PDK1: variants seen among roughly 807,000 people sequenced by gnomAD.
The protein encoded by PDK1 is pyruvate dehydrogenase kinase 1.
A neutral mutation model predicts 54.2 loss-of-function variants in PDK1; 39 were observed. That is an observed-to-expected ratio of 0.72 (90% CI 0.56 to 0.94). The LOEUF is 0.94. Among genes scored for constraint, PDK1 ranks in the 40% least tolerant of loss-of-function variants. PDK1 has a pLI of 0.00. For missense variants in PDK1, 552 were observed against 566.0 expected, an observed-to-expected ratio of 0.98 and a Z score of 0.25; for synonymous variants, 221 against 207.1, an observed-to-expected ratio of 1.07 and a Z score of -0.58.
At chr2:172,637,883 A>C in the PDK1 span, among the ~76,000 whole-genome samples, 6 of 152,078 alleles carry the variant, frequency 3.9e-5, no homozygotes, top group Non-Finnish European at 5.9e-5. Flanking sequence ...TTTTTAGTAG[A>C]GATGGCGTTT....
chr2:172,560,310 C>T lies in PDK1; in HGVS notation c.338+1461C>T, dbSNP rs1018433984. Reference sequence around the variant, plus strand: ...CCTCCCGAGCAGCTGGGACCACAGCCATGCGCCACCATACCTGACCAATTC... The same window carrying T: ...CCTCCCGAGCAGCTGGGACCACAGCTATGCGCCACCATACCTGACCAATTC... On this transcript the variant is annotated intron_variant, in intron 2 of 10. Coordinates refer to ENST00000282077, the MANE Select transcript of PDK1 (RefSeq NM_002610.5). Among the ~76,000 whole-genome samples the T allele has an allele frequency of 2.6e-5, 4 of 152,330 alleles. No individual in the cohort carries two copies. The South Asian group carries it at 8.3e-4, about 32-fold the overall frequency.
At chr2:172,714,211 A>G in the PDK1 span, among the ~76,000 whole-genome samples, 2 of 152,256 alleles carry the variant, frequency 1.3e-5, no homozygotes, top group African/African-American at 4.8e-5. Context: ...AATAGTAACA[A>G]AAGATATAAA....
chr2:172,711,164 G>A, the PDK1 span, among the ~76,000 whole-genome samples: 4 of 152,220 alleles, frequency 2.6e-5, no homozygotes, highest in African/African-American at 9.6e-5. Flanking sequence ...GTCCTCACTG[G>A]CTGGACAATT....
the PDK1 span, among the ~76,000 whole-genome samples, chr2:172,671,319 A>G: frequency 6.6e-6 from 1 of 151,338 alleles, no homozygotes; most frequent in Non-Finnish European, 1.5e-5. Flanking sequence ...ACTATAAATA[A>G]TTATGTTATA....
rs1254182298 is a variant in PDK1, at chr2:172,604,322, G to A, written c.*8353G>A. On this transcript the variant is annotated 3_prime_UTR_variant, in exon 11 of 11. Transcript: ENST00000282077. ...CCTGCCTTGGCCTCCCAAAGTGCTG[G>A]GATTTATAAGCGTGAGTCACCGTAC... 6.6e-6 allele frequency: 1 copy of A among 152,142 alleles called. No individual in the cohort carries two copies. Among genetic ancestry groups the A allele is most frequent in the Non-Finnish European group, 1.5e-5 (1 of 68,034 alleles). The allele number at this position is 152,142 out of a possible 1,614,324, so 9.4% of individuals were successfully genotyped here. A position where few individuals can be genotyped will look rare whatever the true frequency, so the allele number is the denominator to read the frequency against.
the PDK1 span, among the ~76,000 whole-genome samples, chr2:172,632,479 C>T: frequency 6.6e-6 from 1 of 152,116 alleles, no homozygotes; most frequent in Non-Finnish European, 1.5e-5. Context: ...CTTTGTTGGG[C>T]TAATTTGTGA....
At chr2:172,577,060 A>G (rs1322498525) in intron 8 of PDK1, among the ~76,000 whole-genome samples, 2 of 152,134 alleles carry the variant, frequency 1.3e-5, no homozygotes, top group African/African-American at 4.8e-5. Context: ...GTCATCTCCA[A>G]TTATTGTTGA....
chr2:172,705,554 T>A, the PDK1 span, among the ~76,000 whole-genome samples: 1 of 152,248 alleles, frequency 6.6e-6, no homozygotes, highest in African/African-American at 2.4e-5. Flanking sequence ...ATTACTCAGT[T>A]TGACTCAGGC....
At chr2:172,679,809 C>A in the PDK1 span, among the ~76,000 whole-genome samples, 1 of 152,272 alleles carries the variant, frequency 6.6e-6, no homozygotes, top group Middle Eastern at 3.4e-3. Flanking sequence ...AATAACTCAG[C>A]AGATCTAGCT....
At chr2:172,702,215 G>A in the PDK1 span, among the ~76,000 whole-genome samples, 1 of 152,248 alleles carries the variant, frequency 6.6e-6, no homozygotes, top group South Asian at 2.1e-4. Flanking sequence ...AGTGGTTCAT[G>A]CCTGTAATCC....
the PDK1 span, among the ~76,000 whole-genome samples, chr2:172,648,906 G>A: frequency 2.0e-5 from 3 of 152,218 alleles, no homozygotes; most frequent in Admixed American, 1.3e-4. Flanking sequence ...ACCTCTGGGG[G>A]CAGGGCATAG....
the PDK1 span, among the ~76,000 whole-genome samples, chr2:172,713,796 C>T: frequency 6.6e-6 from 1 of 152,212 alleles, no homozygotes; most frequent in Non-Finnish European, 1.5e-5. Flanking sequence ...GCCCCTTCAA[C>T]TGGGAAGGGG....
At chr2:172,633,132 T>C in the PDK1 span, among the ~76,000 whole-genome samples, 1 of 151,840 alleles carries the variant, frequency 6.6e-6, no homozygotes, top group Non-Finnish European at 1.5e-5. Context: ...AGCCTCACAC[T>C]CCTGGGCTCA....
the PDK1 span, among the ~76,000 whole-genome samples, chr2:172,708,932 A>G: frequency 1.3e-5 from 2 of 152,150 alleles, no homozygotes. Context: ...ATTTTGGAAC[A>G]TTTTGCACTT....
the PDK1 span, among the ~76,000 whole-genome samples, chr2:172,716,998 G>A: frequency 3.3e-5 from 5 of 152,160 alleles, no homozygotes; most frequent in Admixed American, 6.5e-5. Flanking sequence ...ATTTAGAGAT[G>A]TAGAGATTCC....
the PDK1 span, among the ~76,000 whole-genome samples, chr2:172,652,473 A>T: frequency 6.6e-6 from 1 of 152,210 alleles, no homozygotes; most frequent in African/African-American, 2.4e-5. Flanking sequence ...GGCCAGGGCA[A>T]TCAGGCAGGA....
chr2:172,652,694 A>C, the PDK1 span, among the ~76,000 whole-genome samples: 1 of 152,216 alleles, frequency 6.6e-6, no homozygotes, highest in African/African-American at 2.4e-5. Context: ...CAGAGAGCCA[A>C]ATCATGAGTG....
intron 3 of PDK1, among the ~76,000 whole-genome samples, chr2:172,563,323 G>A (rs1688755535): frequency 6.6e-6 from 1 of 152,150 alleles, no homozygotes; most frequent in Non-Finnish European, 1.5e-5. Context: ...TGAGTTGTTT[G>A]TTGTTTTTGA....
the PDK1 span, among the ~76,000 whole-genome samples, chr2:172,618,029 T>C: frequency 2.0e-5 from 3 of 152,298 alleles, no homozygotes; most frequent in Admixed American, 6.5e-5. Context: ...GTAATAGATA[T>C]GATTTAAACA....
Sources: allele counts gnomAD v4.1 joint callset (sites outside exome capture counted in the v4.1 genomes callset), GRCh38; gene constraint gnomAD v4.1.1; transcripts MANE v1.5; gene names NCBI Gene and HGNC (gene_info 2026-07-23, HGNC 2026-07-21).